Variants in TOP2B observed in about 807,000 individuals in gnomAD.
TOP2B encodes DNA topoisomerase II beta.
TOP2B carries 51 observed loss-of-function variants against 193.5 expected under a neutral mutation model. The ratio of observed to expected loss-of-function variants is 0.26; its 90% CI spans 0.21 to 0.33. The LOEUF (loss-of-function observed/expected upper bound fraction) is 0.33, where lower values mean the gene tolerates loss of function less well. Among genes scored for constraint, TOP2B ranks in the 10% least tolerant of loss-of-function variants. TOP2B has a pLI of 1.00. For synonymous variants in TOP2B, 634 were observed against 635.7 expected (o/e 1.00, Z 0.04); for missense variants, 1,378 against 1,909.3 (o/e 0.72, Z 5.19).
intron 23 of TOP2B, among the ~76,000 whole-genome samples, chr3:25,619,573 C>G (rs189595501): frequency 1.3e-5 from 2 of 152,066 alleles, no homozygotes; most frequent in East Asian, 3.9e-4. Context: ...TACACAAAGG[C>G]CCTGCAATAA....
In TOP2B at chr3:25,632,755, C is replaced by T; in HGVS notation, c.1066G>A (p.Gly356Ser). The T allele has an allele frequency of 1.2e-6, 2 of 1,613,008 alleles. No individual in the cohort carries two copies. Among genetic ancestry groups the T allele is most frequent in the Non-Finnish European group, 1.7e-6 (2 of 1,179,394 alleles). The change falls in exon 9 of 36, where the codon GGT becomes AGT. Residue 356 changes from glycine to serine, a missense_variant. Transcript: ENST00000264331. The part of the protein sequence containing the change: ...HVDYVVDQVV[G>S]KLIEVVKKKN... ...TTCTTAACTACTTCAATCAGTTTAC[C>T]AACAACTTGATCTACCACATAATCC...
intron 28 of TOP2B, 87 bp downstream of exon 28, chr3:25,612,428 T>A: frequency 1.0e-6 from 1 of 969,734 alleles, no homozygotes; most frequent in Middle Eastern, 3.3e-4. Context: ...AAACAAAGCA[T>A]GATTTAAACA....
chr3:25,625,509 T>C (rs1702771283), intron 18 of TOP2B, among the ~76,000 whole-genome samples: 1 of 151,698 alleles, frequency 6.6e-6, no homozygotes, highest in South Asian at 2.1e-4. Flanking sequence ...AATTTGTCAG[T>C]TTTCTTAAAA....
rs3736601 is a variant in TOP2B, at chr3:25,632,600, C to A, written c.1129-17G>T. 430,878 of 1,595,340 alleles carry A rather than the reference C, an allele frequency of 0.27. 59,062 individuals carry two copies. Among genetic ancestry groups the A allele is most frequent in the Admixed American group, 0.32 (17,683 of 54,730 alleles). On this transcript the variant is annotated splice_polypyrimidine_tract_variant and intron_variant, in intron 9 of 35. Transcript: ENST00000264331. ...GTTTTTTACCTGTTGAAAACATACCCAAAAAAGTCAATATCAGAGCTGATA... is the reference window on the plus strand; with the variant it reads ...GTTTTTTACCTGTTGAAAACATACCAAAAAAAGTCAATATCAGAGCTGATA...
intron 23 of TOP2B, among the ~76,000 whole-genome samples, chr3:25,619,334 A>G (rs1257440371): frequency 1.3e-5 from 2 of 151,516 alleles, no homozygotes. Context: ...TTCTTCCATC[A>G]GCCTTTCTCA....
intron 21 of TOP2B, 129 bp from the exon 22 acceptor site, chr3:25,620,945 G>A: frequency 6.3e-6 from 6 of 954,230 alleles, no homozygotes; most frequent in Non-Finnish European, 9.2e-6. Context: ...CTTTCCAACT[G>A]ATCAATTAAG....
At position 25,630,844 on chromosome 3, in the gene TOP2B, A is replaced by G; in HGVS notation, c.1362T>C (p.Ser454=). 1 of 1,595,308 alleles carries G rather than the reference A, an allele frequency of 6.3e-7. No individual in the cohort carries two copies. The highest frequency in any genetic ancestry group is 8.5e-7 in the Non-Finnish European group (1 of 1,172,386). ...CCAGTTTGGGAATACCTTTGATTTTACTGTATTTTACTGATGAACACTTCT... is the reference window on the plus strand; with the variant it reads ...CCAGTTTGGGAATACCTTTGATTTTGCTGTATTTTACTGATGAACACTTCT... The part of the protein sequence containing the change: ...LNKKCSSVKY[S]KIKGIPKLDD... Residue 454 remains serine, a synonymous_variant, in exon 11 of 36, where the codon AGT becomes AGC. Transcript: ENST00000264331.
intron 30 of TOP2B, among the ~76,000 whole-genome samples, chr3:25,608,906 T>C (rs1043468208): frequency 3.3e-5 from 5 of 152,170 alleles, no homozygotes; most frequent in Non-Finnish European, 7.4e-5. Context: ...TTGCTGGTAT[T>C]GTGGCAAGGT....
At chr3:25,615,978 C>A in intron 25 of TOP2B, 1 of 153,072 alleles carries the variant, frequency 6.5e-6, no homozygotes, top group Non-Finnish European at 1.5e-5. Context: ...ATCTGAAATA[C>A]AAAATAAATA....
At chr3:25,648,703 CA>C (rs532594609) in intron 1 of TOP2B, among the ~76,000 whole-genome samples, 1 of 150,860 alleles carries the variant, frequency 6.6e-6, no homozygotes, top group South Asian at 2.1e-4. Flanking sequence ...CAAAACAAAA[CA>C]AAAAAAAATT....
intron 28 of TOP2B, among the ~76,000 whole-genome samples, 160 bp from the exon 29 acceptor site, chr3:25,609,872 C>T (rs746859078): frequency 6.6e-6 from 1 of 152,148 alleles, no homozygotes; most frequent in African/African-American, 2.4e-5. Flanking sequence ...CCATGTTTTA[C>T]TTCACTTATC....
At chr3:25,614,493 T>C (rs897916387) in intron 27 of TOP2B, among the ~76,000 whole-genome samples, 3 of 151,946 alleles carry the variant, frequency 2.0e-5, no homozygotes, top group East Asian at 1.9e-4. Context: ...CCTAGAAAAA[T>C]AGCACTAAAA....
At chr3:25,612,761 T>A (rs906915467) in intron 27 of TOP2B, 52 bp from the exon 28 acceptor site, 2 of 1,354,994 alleles carry the variant, frequency 1.5e-6, no homozygotes, top group Admixed American at 1.8e-5. Context: ...TTAGAAAAGA[T>A]AATCACTACT....
chr3:25,606,209 G>T, intron 31 of TOP2B, 87 bp from the exon 32 acceptor site: 2 of 618,808 alleles, frequency 3.2e-6, no homozygotes, highest in South Asian at 3.3e-5. Context: ...ATTTACTGCA[G>T]GATTATAATC....
Position 25,638,190 on chromosome 3 carries a change from A to G in TOP2B, c.516T>C (p.Tyr172=), listed in dbSNP as rs1408853322. ...CTGTAACTTTTTTCTCATCATCATC[A>G]TAGTTACTGGATGTTAAAAGCTGTC... ...IFGQLLTSSN[Y]DDDEKKVTGG... is the part of the protein sequence containing the mutation. The change falls in exon 5 of 36, where the codon TAT becomes TAC. Residue 172 remains tyrosine, a synonymous_variant. Transcript: ENST00000264331. 6.4e-7 allele frequency: 1 copy of G among 1,569,084 alleles called. No individual in the cohort carries two copies. Among genetic ancestry groups the G allele is most frequent in the South Asian group, 1.2e-5 (1 of 85,092 alleles).
chr3:25,612,086 C>T (rs1053916610), intron 28 of TOP2B, among the ~76,000 whole-genome samples: 4 of 151,826 alleles, frequency 2.6e-5, no homozygotes, highest in South Asian at 2.1e-4. Flanking sequence ...GTGATACAGG[C>T]GCCCACCACC....
rs369059292 is a variant in TOP2B at position 25,615,456 on chromosome 3, T to C, written c.3482A>G (p.Glu1161Gly). Residue 1161 changes from glutamate to glycine, a missense_variant, in exon 26 of 36, where the codon GAA becomes GGA. Physicochemically the swap from Glu to Gly is moderately conservative, Grantham distance 98 (BLOSUM62 -2). Coordinates refer to ENST00000264331, the MANE Select transcript of TOP2B (RefSeq NM_001330700.2). ...LWSLTKEKVE[E>G]LIKQRDAKGR... is the part of the protein sequence containing the mutation. ...TTTTGCATCTCTCTGTTTAATCAGTTCTTCAACTTTTTCTTTAGTAAGAGA... is the reference window on the plus strand; with the variant it reads ...TTTTGCATCTCTCTGTTTAATCAGTCCTTCAACTTTTTCTTTAGTAAGAGA... 4 of 1,563,470 alleles carry C rather than the reference T, an allele frequency of 2.6e-6. No individual in the cohort carries two copies. Among genetic ancestry groups the C allele is most frequent in the Non-Finnish European group, 3.5e-6 (4 of 1,157,350 alleles).
intron 32 of TOP2B, 74 bp downstream of exon 32, chr3:25,605,969 G>A (rs979818723): frequency 1.1e-5 from 9 of 829,700 alleles, no homozygotes; most frequent in South Asian, 7.3e-5. Flanking sequence ...ATGACCTAAC[G>A]ATTTATTTAC....
chr3:25,649,247 T>C (rs981285617), intron 1 of TOP2B, among the ~76,000 whole-genome samples: 1 of 152,106 alleles, frequency 6.6e-6, no homozygotes, highest in Non-Finnish European at 1.5e-5. Context: ...AAAGAACTTA[T>C]GGGCCACTAT....
Sources: gnomAD v4.1 joint callset for allele counts (sites outside exome capture counted in the v4.1 genomes callset) on GRCh38, gnomAD v4.1.1 for gene constraint, MANE v1.5 for transcripts, NCBI Gene and HGNC (gene_info 2026-07-23, HGNC 2026-07-21) for gene names.